The following NKD2 variants were observed in gnomAD, a reference collection of about 807,000 sequenced individuals.
NKD2 encodes protein naked cuticle homolog 2.
In NKD2, 43 loss-of-function variants were observed where a neutral mutation model predicts 34.8. The observed-to-expected ratio is 1.24, with a 90% CI of 0.97 to 1.60. The LOEUF is 1.60. Ranked by LOEUF, NKD2 falls within the 40% of genes most tolerant of loss-of-function variation. NKD2 has a pLI of 0.00. For synonymous variants in NKD2, 278 were observed against 265.1 expected, an observed-to-expected ratio of 1.05 and a Z score of -0.47; for missense variants, 675 against 627.1, an observed-to-expected ratio of 1.08 and a Z score of -0.82.
intron 3 of NKD2, among the ~76,000 whole-genome samples, chr5:1,014,903 C>T (rs555208487): frequency 2.0e-5 from 3 of 152,354 alleles, no homozygotes; most frequent in Admixed American, 6.5e-5. Context: ...GTCATCCCAT[C>T]GTTAGCAGAG....
At chr5:1,016,249 CG>C (rs1755948345) in intron 3 of NKD2, among the ~76,000 whole-genome samples, 1 of 152,252 alleles carries the variant, frequency 6.6e-6, no homozygotes, top group Non-Finnish European at 1.5e-5. Flanking sequence ...TCCGCTCTCA[CG>C]GCGAGCTGCA....
rs967021567 is a variant in NKD2, at chr5:1,038,554, G to A, written c.*181G>A. On this transcript the variant is annotated 3_prime_UTR_variant, in exon 10 of 10. Coordinates refer to ENST00000296849, the MANE Select transcript of NKD2 (RefSeq NM_033120.4). This position sits in a 1 kb window ranked among gnomAD's most constrained non-coding sequence, Gnocchi z 4.5. ...GGAGGTGGTGCACCTTGGACACGTG[G>A]ACAAGGCCCAGGCGCCCTCTGCTCT... 1.5e-5 allele frequency: 20 copies of A among 1,290,350 alleles called. No homozygotes were observed. The highest frequency in any genetic ancestry group is 1.9e-5 in the Non-Finnish European group (18 of 924,866). The allele number at this position is 1,290,350 out of a possible 1,614,324, so 79.9% of individuals were successfully genotyped here. A position where few individuals can be genotyped will look rare whatever the true frequency, so the allele number is the denominator to read the frequency against.
At chr5:1,019,491 ACTG>A (rs1030069128) in intron 3 of NKD2, among the ~76,000 whole-genome samples, 1 of 152,162 alleles carries the variant, frequency 6.6e-6, no homozygotes, top group African/African-American at 2.4e-5. Flanking sequence ...GCAGGTGGCC[ACTG>A]GGCCCTCCTT....
intron 3 of NKD2, among the ~76,000 whole-genome samples, chr5:1,016,253 G>A (rs887557255): frequency 5.9e-5 from 9 of 152,260 alleles, no homozygotes; most frequent in Non-Finnish European, 1.2e-4. Context: ...CTCTCACGGC[G>A]AGCTGCACCC....
In NKD2 at chr5:1,038,483, C is replaced by T. The variant is rs1309476174; in HGVS notation, c.*110C>T. On this transcript the variant is annotated 3_prime_UTR_variant, in exon 10 of 10. Transcript: ENST00000296849. The surrounding 1 kb of genome is among the most constrained non-coding windows in gnomAD (Gnocchi z 4.5). ...CCATGGGGAGCCCAGCCCCCACCCCCCACCTCCGACAGCAAACAGCAACTG... is the reference window on the plus strand; with the variant it reads ...CCATGGGGAGCCCAGCCCCCACCCCTCACCTCCGACAGCAAACAGCAACTG... 3 of 1,531,852 alleles carry T rather than the reference C, an allele frequency of 2.0e-6. No homozygotes were observed. The South Asian group carries it at 3.6e-5, about 18-fold the overall frequency. The allele number at this position is 1,531,852 out of a possible 1,614,324, so 94.9% of individuals were successfully genotyped here.
intron 3 of NKD2, among the ~76,000 whole-genome samples, chr5:1,015,971 G>A (rs994490991): frequency 6.6e-6 from 1 of 152,228 alleles, no homozygotes; most frequent in African/African-American, 2.4e-5. Context: ...GTCTGTCACA[G>A]ATCATGACCG....
intron 8 of NKD2, 88 bp downstream of exon 8, chr5:1,035,561 G>A (rs2150750271): frequency 9.7e-7 from 1 of 1,026,806 alleles, no homozygotes; most frequent in Non-Finnish European, 1.5e-6. Flanking sequence ...CAGGCCACAG[G>A]CCACACACCA....
At chr5:1,028,587 C>T (rs773474483) in intron 3 of NKD2, among the ~76,000 whole-genome samples, 117 of 152,164 alleles carry the variant, frequency 7.7e-4, no homozygotes, top group Non-Finnish European at 1.5e-3. Context: ...GAGGGGACAA[C>T]GGGCATGGGG....
At position 1,009,924 on chromosome 5, in the gene NKD2, G is replaced by A. The variant is rs1216142599; in HGVS notation, c.141+364G>A. Among the ~76,000 whole-genome samples, 2 of 152,164 alleles carry A rather than the reference G, an allele frequency of 1.3e-5. No homozygotes were observed. Among genetic ancestry groups the A allele is most frequent in the Admixed American group, 6.5e-5 (1 of 15,286 alleles). On this transcript the variant is annotated intron_variant, in intron 3 of 9. Transcript: ENST00000296849. This position sits in a 1 kb window ranked among gnomAD's most constrained non-coding sequence, Gnocchi z 6.9. ...CCGGGGAGCGGGAATGCAGTACCCC[G>A]GCTGGATGAGCTGGAGGAGTTGGAG...
chr5:1,016,250 G>T (rs190858385), intron 3 of NKD2, among the ~76,000 whole-genome samples: 1 of 152,256 alleles, frequency 6.6e-6, no homozygotes, highest in Non-Finnish European at 1.5e-5. Flanking sequence ...CCGCTCTCAC[G>T]GCGAGCTGCA....
Position 1,037,904 on chromosome 5 carries a change from A to G in NKD2, c.887A>G (p.His296Arg), listed in dbSNP as rs1734077156. The change falls in exon 10 of 10, where the codon CAC becomes CGC. Residue 296 changes from histidine (H) to arginine (R), a missense_variant. Physicochemically the swap from His to Arg is conservative, Grantham distance 29 (BLOSUM62 0). Coordinates refer to ENST00000296849, the MANE Select transcript of NKD2 (RefSeq NM_033120.4). ...GAGCCAGATACACATGCCGTACACC[A>G]CCGCAGGTCACAGGTGCTGGTGGAA... ...SQEPDTHAVH[H>R]RRSQVLVEHV... 6.2e-7 allele frequency: 1 copy of G among 1,606,396 alleles called. No homozygotes were observed. Among genetic ancestry groups the G allele is most frequent in the African/African-American group, 1.3e-5 (1 of 74,816 alleles).
rs1351339493 is a variant in NKD2, at chr5:1,038,063, C to T, written c.1046C>T (p.Ser349Phe). The T allele has an allele frequency of 6.2e-7, 1 of 1,609,526 alleles. No homozygotes were observed. Among genetic ancestry groups the T allele is most frequent in the Non-Finnish European group, 8.5e-7 (1 of 1,179,262 alleles). Residue 349 changes from serine (S) to phenylalanine (F), a missense_variant, in exon 10 of 10, where the codon TCC becomes TTC. Transcript: ENST00000296849. The surrounding 1 kb of genome is among the most constrained non-coding windows in gnomAD (Gnocchi z 4.5). ...CCTGGGGTGCCAGCCAGCAGCAAGTCCGGGAAAGCCTTCAGCTACTACCTG... is the reference window on the plus strand; with the variant it reads ...CCTGGGGTGCCAGCCAGCAGCAAGTTCGGGAAAGCCTTCAGCTACTACCTG... ...KPPGVPASSK[S>F]GKAFSYYLPA...
At chr5:1,017,341 G>T (rs1756000358) in intron 3 of NKD2, among the ~76,000 whole-genome samples, 1 of 152,242 alleles carries the variant, frequency 6.6e-6, no homozygotes, top group Admixed American at 6.5e-5. Flanking sequence ...CAGGCCAGTG[G>T]CCAGGTCCGT....
chr5:1,038,611 A>G lies in NKD2; in HGVS notation c.*238A>G. ...CTCGATGCCACATGGCGGTGAACAC[A>G]TCTGAAGCCACTATGTTTCCTGGCT... On this transcript the variant is annotated 3_prime_UTR_variant, in exon 10 of 10. Coordinates refer to ENST00000296849, the MANE Select transcript of NKD2 (RefSeq NM_033120.4). This position sits in a 1 kb window ranked among gnomAD's most constrained non-coding sequence, Gnocchi z 4.5. 1.3e-6 allele frequency: 1 copy of G among 768,186 alleles called. No homozygotes were observed. The highest frequency in any genetic ancestry group is 1.6e-5 in the South Asian group (1 of 62,860). The allele number at this position is 768,186 out of a possible 1,614,324, so 47.6% of individuals were successfully genotyped here.
In NKD2 at chr5:1,033,501, TG is replaced by T. The variant is rs1756729865; in HGVS notation, c.330+5del. The T allele has an allele frequency of 6.5e-7, 1 of 1,547,230 alleles. No homozygotes were observed. Among genetic ancestry groups the T allele is most frequent in the Non-Finnish European group, 8.7e-7 (1 of 1,144,882 alleles). Reference sequence around the variant, plus strand: ...GGCGGGCAGCGCCTCAACATTGACGTGGGTCTCTCTCCGGCCTCACTTGCGG... The same window carrying T: ...GGCGGGCAGCGCCTCAACATTGACGTGGTCTCTCTCCGGCCTCACTTGCGG... On this transcript the variant is annotated splice_donor_region_variant and intron_variant, in intron 5 of 9. Coordinates refer to ENST00000296849, the MANE Select transcript of NKD2 (RefSeq NM_033120.4).
Position 1,020,018 on chromosome 5 carries a change from C to T in NKD2, c.141+10458C>T, listed in dbSNP as rs774910917. ...TCGTGGTTTTATTTTGTGTGTTCTG[C>T]GCTCTGGATGGTAAGCTGAGGGTGG... On this transcript the variant is annotated intron_variant, in intron 3 of 9. Coordinates refer to ENST00000296849, the MANE Select transcript of NKD2 (RefSeq NM_033120.4). Among the ~76,000 whole-genome samples the T allele has an allele frequency of 3.3e-5, 5 of 152,072 alleles. No individual in the cohort carries two copies. The South Asian group carries it at 6.2e-4, about 19-fold the overall frequency.
chr5:1,013,021 G>T (rs191278935), intron 3 of NKD2, among the ~76,000 whole-genome samples: 2 of 152,228 alleles, frequency 1.3e-5, no homozygotes, highest in African/African-American at 4.8e-5. Context: ...GTGCACGTGC[G>T]CCCAGAGACA....
intron 3 of NKD2, among the ~76,000 whole-genome samples, chr5:1,014,955 G>A (rs370537048): frequency 3.9e-5 from 6 of 152,184 alleles, no homozygotes; most frequent in African/African-American, 1.2e-4. Context: ...ACCCGGCTTC[G>A]GACCCGGTGC....
chr5:1,036,163 C>T (rs899414324), intron 8 of NKD2, 94 bp from the exon 9 acceptor site: 2 of 1,418,678 alleles, frequency 1.4e-6, no homozygotes, highest in East Asian at 5.2e-5. Context: ...CAGGATGCAC[C>T]CCGGACCCCT....
Sources: allele counts gnomAD v4.1 joint callset (sites outside exome capture counted in the v4.1 genomes callset), GRCh38; gene constraint gnomAD v4.1.1; non-coding constraint Gnocchi (gnomAD v3.1); transcripts MANE v1.5; gene names NCBI Gene and HGNC (gene_info 2026-07-23, HGNC 2026-07-21).